Variants in ARIH1 observed in about 807,000 individuals in gnomAD.
ARIH1 encodes E3 ubiquitin-protein ligase ARIH1.
Under a neutral mutation model 85.0 loss-of-function variants are expected in ARIH1, and 8 were observed. That is an observed-to-expected ratio of 0.09 (90% CI 0.06 to 0.17). The LOEUF is 0.17. ARIH1 is among the 10% of genes least tolerant of loss of function. ARIH1 has a pLI of 1.00. For synonymous variants in ARIH1, 238 were observed against 253.6 expected, an observed-to-expected ratio of 0.94 and a Z score of 0.59; for missense variants, 311 against 718.1, an observed-to-expected ratio of 0.43 and a Z score of 6.48.
At position 72,474,433 on chromosome 15, in the gene ARIH1, GCTCC is replaced by G. The variant is rs778274130; in HGVS notation, c.-194_-191del. 1.9e-4 allele frequency: 122 copies of G among 640,466 alleles called. No homozygotes were observed. Among genetic ancestry groups the G allele is most frequent in the South Asian group, 3.4e-4 (18 of 53,390 alleles). The allele number at this position is 640,466 out of a possible 1,614,324, so 39.7% of individuals were successfully genotyped here. A position where few individuals can be genotyped will look rare whatever the true frequency, so the allele number is the denominator to read the frequency against. On this transcript the variant is annotated 5_prime_UTR_variant, in exon 1 of 14. Transcript: ENST00000379887. ...GAGGCGGGCAGCAAGCGGCCCCCTC[GCTCC>G]CTCCCTCCCTCCTCCGCGCCCTCCC...
At chr15:72,522,165 A>G (rs1199422295) in intron 2 of ARIH1, among the ~76,000 whole-genome samples, 1 of 152,220 alleles carries the variant, frequency 6.6e-6, no homozygotes. Context: ...GATGTGGCTG[A>G]AAAGGTCCAG....
At chr15:72,549,150 TG>T (rs1385348781) in intron 3 of ARIH1, among the ~76,000 whole-genome samples, 6 of 150,702 alleles carry the variant, frequency 4.0e-5, no homozygotes, top group Non-Finnish European at 8.9e-5. Flanking sequence ...TGCAGTGGCA[TG>T]TTCTCGGCTC....
At position 72,528,967 on chromosome 15, in the gene ARIH1, A is replaced by G. The variant is rs530660247; in HGVS notation, c.443+10833A>G. On this transcript the variant is annotated intron_variant, in intron 2 of 13. Coordinates refer to ENST00000379887, the MANE Select transcript of ARIH1 (RefSeq NM_005744.5). The stretch of plus-strand genomic sequence containing the variant: ...TGTAATCCCAGCACTTTGGGAGGCC[A>G]AGGTGGGCGGATCATGAGGTCAGGA... 1.8e-4 allele frequency among the ~76,000 whole-genome samples: 28 copies of G among 152,242 alleles called. No homozygotes were observed. The South Asian group carries it at 5.0e-3, about 27-fold the overall frequency.
At chr15:72,483,587 T>TAATG (rs2063824985) in intron 1 of ARIH1, among the ~76,000 whole-genome samples, 1 of 152,212 alleles carries the variant, frequency 6.6e-6, no homozygotes, top group Admixed American at 6.5e-5. Flanking sequence ...AGCTATTGTA[T>TAATG]AATGCCTTTC....
chr15:72,503,962 C>T (rs2063913818), intron 1 of ARIH1, among the ~76,000 whole-genome samples: 2 of 152,358 alleles, frequency 1.3e-5, no homozygotes, highest in East Asian at 1.9e-4. Flanking sequence ...CTGTGGACAG[C>T]GGTGTGTTAC....
At chr15:72,566,930 T>A (rs1227880526) in intron 8 of ARIH1, among the ~76,000 whole-genome samples, 176 bp from the exon 9 acceptor site, 1 of 152,202 alleles carries the variant, frequency 6.6e-6, no homozygotes, top group Non-Finnish European at 1.5e-5. Flanking sequence ...TTTGGTTGAT[T>A]TTATATATAC....
chr15:72,519,179 A>G (rs1295261023), intron 2 of ARIH1, among the ~76,000 whole-genome samples: 2 of 152,134 alleles, frequency 1.3e-5, no homozygotes, highest in Non-Finnish European at 2.9e-5. Context: ...GTTGTTGGGA[A>G]CTGACAACCC....
At position 72,474,768 on chromosome 15, in the gene ARIH1, C is replaced by A. The variant is rs558844066; in HGVS notation, c.129C>A (p.Gly43=). 6.0e-5 allele frequency: 92 copies of A among 1,538,198 alleles called. 1 individual carries two copies. The South Asian group carries it at 1.1e-3, about 18-fold the overall frequency. Residue 43 remains glycine (G), a synonymous_variant, in exon 1 of 14, where the codon GGC becomes GGA. Coordinates refer to ENST00000379887, the MANE Select transcript of ARIH1 (RefSeq NM_005744.5). ...DEPDDDTLDL[G]EVELVEPGLG... ...CGGACGATGATACCCTGGATCTGGG[C>A]GAGGTGGAGCTGGTGGAGCCCGGGC...
rs144724943 is a variant in ARIH1, at chr15:72,537,093, T to TTTGTTG, written c.444-7703_444-7698dup. ...TTACAGATTTGTGTGAGTTCTCATT[T>TTTGTTG]TTGTTGTTGTTGTTGTTGTTGTTGT... On this transcript the variant is annotated intron_variant, in intron 2 of 13. Coordinates refer to ENST00000379887, the MANE Select transcript of ARIH1 (RefSeq NM_005744.5). Among the ~76,000 whole-genome samples the TTTGTTG allele has an allele frequency of 2.7e-3, 414 of 151,246 alleles. 1 individual carries two copies. The highest frequency in any genetic ancestry group is 7.0e-3 in the African/African-American group (287 of 41,186).
intron 12 of ARIH1, among the ~76,000 whole-genome samples, chr15:72,581,317 C>T (rs1595875712): frequency 6.6e-6 from 1 of 152,190 alleles, no homozygotes; most frequent in East Asian, 1.9e-4. Context: ...AGGATAGTAC[C>T]TTTCTAGGTT....
At chr15:72,577,896 G>A (rs1023169836) in intron 11 of ARIH1, among the ~76,000 whole-genome samples, 4 of 152,138 alleles carry the variant, frequency 2.6e-5, no homozygotes, top group African/African-American at 4.8e-5. Context: ...AAATGTTTCT[G>A]TATAGTAACA....
chr15:72,481,356 C>A (rs1419670250), intron 1 of ARIH1, among the ~76,000 whole-genome samples: 2 of 152,036 alleles, frequency 1.3e-5, no homozygotes, highest in Non-Finnish European at 2.9e-5. Flanking sequence ...CTATGTGTTA[C>A]GTGTAGTGAT....
chr15:72,535,629 A>G (rs1567349688), intron 2 of ARIH1, among the ~76,000 whole-genome samples: 2 of 152,172 alleles, frequency 1.3e-5, no homozygotes, highest in South Asian at 2.1e-4. Flanking sequence ...TAAAAAGACA[A>G]TTTCTTTTTA....
chr15:72,531,882 T>C (rs1255790347), intron 2 of ARIH1, among the ~76,000 whole-genome samples: 1 of 152,214 alleles, frequency 6.6e-6, no homozygotes, highest in African/African-American at 2.4e-5. Flanking sequence ...AACATTTTGT[T>C]CTGCCAGTGT....
rs1442824015 is a variant in ARIH1, at chr15:72,589,441, C to CT, written c.*6150dup. ...CCCAAAGGCAGGATGAGATTGGGAA[C>CT]TAGAAAACCATTTTGGACCCCTAAA... On this transcript the variant is annotated 3_prime_UTR_variant, in exon 14 of 14. Coordinates refer to ENST00000379887, the MANE Select transcript of ARIH1 (RefSeq NM_005744.5). 6.6e-6 allele frequency: 1 copy of CT among 152,198 alleles called. No individual in the cohort carries two copies. The highest frequency in any genetic ancestry group is 2.4e-5 in the African/African-American group (1 of 41,450). 9.4% of individuals were successfully genotyped at this position (152,198 alleles called of 1,614,324 possible).
chr15:72,484,788 T>C (rs975182075), intron 1 of ARIH1, among the ~76,000 whole-genome samples: 3 of 150,134 alleles, frequency 2.0e-5, no homozygotes, highest in South Asian at 4.2e-4. Flanking sequence ...TACATATATA[T>C]ACACACACAC....
At chr15:72,556,107 C>T (rs537167902) in intron 5 of ARIH1, among the ~76,000 whole-genome samples, 200 bp downstream of exon 5, 38 of 152,266 alleles carry the variant, frequency 2.5e-4, no homozygotes, top group Admixed American at 7.2e-4. Context: ...CTTAGAAATG[C>T]ATGGTAGCTA....
chr15:72,512,669 C>T (rs77336935), intron 1 of ARIH1, among the ~76,000 whole-genome samples: 228 of 151,320 alleles, frequency 1.5e-3, no homozygotes, highest in African/African-American at 5.4e-3. Context: ...ATAAATTTTC[C>T]TGTAAACACT....
intron 11 of ARIH1, among the ~76,000 whole-genome samples, chr15:72,576,777 T>C: frequency 6.6e-6 from 1 of 152,116 alleles, no homozygotes; most frequent in East Asian, 1.9e-4. Flanking sequence ...TACATAACTG[T>C]AATACCATTA....
Sources: gnomAD v4.1 joint callset for allele counts (sites outside exome capture counted in the v4.1 genomes callset) on GRCh38, gnomAD v4.1.1 for gene constraint, MANE v1.5 for transcripts, NCBI Gene and HGNC (gene_info 2026-07-23, HGNC 2026-07-21) for gene names.